PTPRD: variants seen among roughly 807,000 people sequenced by gnomAD.
PTPRD encodes receptor-type tyrosine-protein phosphatase delta.
In PTPRD, 34 loss-of-function variants were observed where a neutral mutation model predicts 214.5. That is an observed-to-expected ratio of 0.16 (90% CI 0.12 to 0.21). The LOEUF is 0.21. Among genes scored for constraint, PTPRD ranks in the 10% least tolerant of loss-of-function variants. PTPRD has a pLI of 1.00. For synonymous variants in PTPRD, 1,128 were observed against 845.7 expected, an observed-to-expected ratio of 1.33 and a Z score of -5.79; for missense variants, 2,545 against 2,398.7, an observed-to-expected ratio of 1.06 and a Z score of -1.27.
At chr9:8,559,053 T>TCA (rs1470540743) in intron 14 of PTPRD, among the ~76,000 whole-genome samples, 16 of 152,212 alleles carry the variant, frequency 1.1e-4, no homozygotes, top group African/African-American at 3.4e-4. Flanking sequence ...AAGTTTTACT[T>TCA]GTTTCTATCT....
chr9:8,668,167 C>T (rs1373545997), intron 12 of PTPRD, among the ~76,000 whole-genome samples: 1 of 152,118 alleles, frequency 6.6e-6, no homozygotes, highest in Non-Finnish European at 1.5e-5. Context: ...CCATTTTACT[C>T]AATGTAAGCA....
chr9:8,587,243 C>T (rs1181579988), intron 14 of PTPRD, among the ~76,000 whole-genome samples: 49 of 152,168 alleles, frequency 3.2e-4, no homozygotes, highest in Admixed American at 3.2e-3. Context: ...CAACTACTTA[C>T]AAATAATAAA....
At position 8,372,708 on chromosome 9, in the gene PTPRD, G is replaced by A. The variant is rs980668599; in HGVS notation, c.4661+3228C>T. Among the ~76,000 whole-genome samples, 8 of 152,004 alleles carry A rather than the reference G, an allele frequency of 5.3e-5. No homozygotes were observed. The South Asian group carries it at 8.3e-4, about 16-fold the overall frequency. The stretch of plus-strand genomic sequence containing the variant: ...GTCCTCCTTGACCTTCCAAGGCCTT[G>A]TCTGCGCTTGTTGCACTAGGCTATC... On this transcript the variant is annotated intron_variant, in intron 39 of 45. Transcript: ENST00000381196.
chr9:10,051,546 C>T (rs2154154353), intron 3 of PTPRD, among the ~76,000 whole-genome samples: 1 of 151,960 alleles, frequency 6.6e-6, no homozygotes, highest in East Asian at 1.9e-4. Context: ...GTGTGCTGCA[C>T]CCATTAACTC....
chr9:9,998,979 G>T (rs1325822905), intron 4 of PTPRD, among the ~76,000 whole-genome samples: 1 of 152,120 alleles, frequency 6.6e-6, no homozygotes, highest in African/African-American at 2.4e-5. Context: ...GGGATGCATT[G>T]CAGGGGACAT....
At chr9:8,729,828 G>A (rs1363955927) in intron 12 of PTPRD, among the ~76,000 whole-genome samples, 1 of 152,154 alleles carries the variant, frequency 6.6e-6, no homozygotes, top group Non-Finnish European at 1.5e-5. Flanking sequence ...ACTTAAGATA[G>A]CAAATGATTA....
chr9:8,677,353 G>C (rs1406107411), intron 12 of PTPRD, among the ~76,000 whole-genome samples: 1 of 152,182 alleles, frequency 6.6e-6, no homozygotes, highest in East Asian at 1.9e-4. Flanking sequence ...AAAAGAATGA[G>C]ATAATGTCCT....
At chr9:9,610,477 G>C (rs558243942) in intron 7 of PTPRD, among the ~76,000 whole-genome samples, 1 of 152,202 alleles carries the variant, frequency 6.6e-6, no homozygotes, top group African/African-American at 2.4e-5. Context: ...TAGGAGCAAG[G>C]ATTCATATTT....
intron 4 of PTPRD, among the ~76,000 whole-genome samples, chr9:9,943,047 G>A (rs2091896715): frequency 6.6e-6 from 1 of 151,962 alleles, no homozygotes; most frequent in Non-Finnish European, 1.5e-5. Context: ...AGCTGATAGT[G>A]GATATAGCTG....
intron 7 of PTPRD, among the ~76,000 whole-genome samples, chr9:9,650,320 AG>A (rs1476753973): frequency 4.6e-5 from 7 of 152,172 alleles, no homozygotes; most frequent in Non-Finnish European, 8.8e-5. Context: ...ACCCAGTCTC[AG>A]GTAGTTCTTT....
chr9:10,375,990 T>C (rs953562948), intron 2 of PTPRD, among the ~76,000 whole-genome samples: 1 of 151,982 alleles, frequency 6.6e-6, no homozygotes, highest in Non-Finnish European at 1.5e-5. Flanking sequence ...TATCTTTGCC[T>C]TTTGTTATAA....
chr9:8,350,049 A>C (rs1452516467), intron 39 of PTPRD, among the ~76,000 whole-genome samples: 1 of 151,950 alleles, frequency 6.6e-6, no homozygotes, highest in African/African-American at 2.4e-5. Flanking sequence ...TTACTTCAAT[A>C]TTATCATTCA....
intron 3 of PTPRD, among the ~76,000 whole-genome samples, chr9:10,089,956 A>G (rs1439897178): frequency 6.6e-6 from 1 of 151,666 alleles, no homozygotes; most frequent in Non-Finnish European, 1.5e-5. Flanking sequence ...GATTAATGAA[A>G]TAGTCTATTA....
At chr9:10,519,564 G>C (rs2051449218) in intron 2 of PTPRD, among the ~76,000 whole-genome samples, 2 of 151,998 alleles carry the variant, frequency 1.3e-5, no homozygotes, top group Non-Finnish European at 2.9e-5. Flanking sequence ...GCACATAGAG[G>C]CATACCTCAT....
At position 8,450,773 on chromosome 9, in the gene PTPRD, CT is replaced by C. The variant is rs574267684; in HGVS notation, c.3876-937del. On this transcript the variant is annotated intron_variant, in intron 33 of 45. Coordinates refer to ENST00000381196, the MANE Select transcript of PTPRD (RefSeq NM_002839.4). ...CCAATAAAAAATTAATCACAGAGTC[CT>C]AACTATCTTCTTCCAGTTTGAATTA... 5.6e-3 allele frequency among the ~76,000 whole-genome samples: 849 copies of C among 152,194 alleles called. 9 individuals carry two copies. The highest frequency in any genetic ancestry group is 0.021 in the Middle Eastern group (6 of 292).
chr9:8,718,819 C>T (rs2098463170), intron 12 of PTPRD, among the ~76,000 whole-genome samples: 1 of 152,170 alleles, frequency 6.6e-6, no homozygotes, highest in South Asian at 2.1e-4. Context: ...CTCATTCCCA[C>T]CTCCCACAAA....
intron 3 of PTPRD, among the ~76,000 whole-genome samples, chr9:10,316,815 G>C (rs1005089405): frequency 2.6e-5 from 4 of 151,884 alleles, no homozygotes; most frequent in Admixed American, 1.3e-4. Context: ...TTCAATCTTG[G>C]CTTGGTAAAT....
chr9:8,856,931 A>T (rs781689878), intron 11 of PTPRD, among the ~76,000 whole-genome samples: 2 of 152,224 alleles, frequency 1.3e-5, no homozygotes, highest in Non-Finnish European at 2.9e-5. Context: ...CAATAAATCT[A>T]TGGGAAAGCA....
chr9:10,132,962 T>TCAAAAGC (rs753864227), intron 3 of PTPRD, among the ~76,000 whole-genome samples: 118,832 of 151,710 alleles, frequency 0.78, 46,661 homozygotes, highest in Middle Eastern at 0.89. Context: ...AGATTGTTAT[T>TCAAAAGC]TTGTAGCTTC....
Sources: gnomAD v4.1 joint callset for allele counts (sites outside exome capture counted in the v4.1 genomes callset) on GRCh38, gnomAD v4.1.1 for gene constraint, MANE v1.5 for transcripts, NCBI Gene and HGNC (gene_info 2026-07-23, HGNC 2026-07-21) for gene names.